ARHGAP23: variants seen among roughly 807,000 people sequenced by gnomAD.
The protein encoded by ARHGAP23 is Rho GTPase activating protein 23, also known as rho GTPase-activating protein 23.
A neutral mutation model predicts 136.3 loss-of-function variants in ARHGAP23; 34 were observed. The ratio of observed to expected loss-of-function variants is 0.25; its 90% CI spans 0.19 to 0.33. ARHGAP23 has a LOEUF of 0.33. Ranked by LOEUF, ARHGAP23 falls within the 10% of genes least tolerant of loss-of-function variation. ARHGAP23 has a pLI of 1.00. For missense variants in ARHGAP23, 1,808 were observed against 2,139.0 expected (o/e 0.85, Z 3.05); for synonymous variants, 832 against 920.5 (o/e 0.90, Z 1.74).
At position 38,510,230 on chromosome 17, in the gene ARHGAP23, C is replaced by T; in HGVS notation, c.3734C>T (p.Ser1245Phe). 5.1e-6 allele frequency: 7 copies of T among 1,382,348 alleles called. No homozygotes were observed. The highest frequency in any genetic ancestry group is 5.6e-6 in the Non-Finnish European group (6 of 1,067,378). 85.6% of individuals were successfully genotyped at this position (1,382,348 alleles called of 1,614,324 possible). The change falls in exon 24 of 24, where the codon TCC (serine) becomes TTC (phenylalanine). Residue 1245 changes from serine to phenylalanine, a missense_variant. By Grantham distance (155) the Ser-to-Phe change is radical. Transcript: ENST00000622683. The surrounding 1 kb of genome is among the most constrained non-coding windows in gnomAD (Gnocchi z 4.6). ...GAGCGGCCGGCCGCGGACACGCGCT[C>T]CATTGTGTCGGGCTACTCCACCCTG... is the stretch of plus-strand genomic sequence containing the variant. ...PEERPAADTR[S>F]IVSGYSTLST... is the part of the protein sequence containing the mutation.
chr17:38,509,609 G>A lies in ARHGAP23; in HGVS notation c.3448-335G>A, dbSNP rs184551174. Among the ~76,000 whole-genome samples, 51 of 152,302 alleles carry A rather than the reference G, an allele frequency of 3.3e-4. No individual in the cohort carries two copies. The East Asian group carries it at 7.5e-3, about 22-fold the overall frequency. ...GTGAAACGGATTCAGGCTGCCAAGC[G>A]TTATTCACTGTGGAGAGATTGTCAT... is the stretch of plus-strand genomic sequence containing the variant. On this transcript the variant is annotated intron_variant, in intron 23 of 23. Coordinates refer to ENST00000622683, the MANE Select transcript of ARHGAP23 (RefSeq NM_001199417.2).
At chr17:38,457,541 T>C (rs2039356217) in intron 1 of ARHGAP23, 1 of 163,008 alleles carries the variant, frequency 6.1e-6, no homozygotes, top group African/African-American at 2.4e-5. Flanking sequence ...TACAAAAGTG[T>C]GCACATGTGT....
intron 1 of ARHGAP23, chr17:38,457,754 GGAA>G: frequency 2.7e-6 from 1 of 372,144 alleles, no homozygotes; most frequent in Non-Finnish European, 4.9e-6. Flanking sequence ...TTCCTGGGCA[GGAA>G]GGCTGTATCC....
In ARHGAP23 at chr17:38,504,978, C is replaced by CT. The variant is rs71138627; in HGVS notation, c.3447+4395dup. 3.0e-4 allele frequency among the ~76,000 whole-genome samples: 13 copies of CT among 43,162 alleles called. 4 individuals carry two copies. The highest frequency in any genetic ancestry group is 5.9e-4 in the Non-Finnish European group (12 of 20,286). The allele number at this position is 43,162 out of a possible 152,430, so 28.3% of individuals were successfully genotyped here. A position where few individuals can be genotyped will look rare whatever the true frequency, so the allele number is the denominator to read the frequency against. Reference sequence around the variant, plus strand: ...ATTACTCAGAAGCCTCCCTTATCATCTTTTTTTTTTTTTTTTTTTTTTTTT... The same window carrying CT: ...ATTACTCAGAAGCCTCCCTTATCATCTTTTTTTTTTTTTTTTTTTTTTTTTT... On this transcript the variant is annotated intron_variant, in intron 23 of 23. Transcript: ENST00000622683.
chr17:38,469,661 G>C (rs2039698588), intron 9 of ARHGAP23, 26 bp downstream of exon 9: 6 of 1,545,284 alleles, frequency 3.9e-6, no homozygotes, highest in Non-Finnish European at 5.2e-6. Flanking sequence ...GACACGGGGT[G>C]GGGTGGCCAC....
At chr17:38,508,211 A>G (rs531710006) in intron 23 of ARHGAP23, among the ~76,000 whole-genome samples, 30 of 152,336 alleles carry the variant, frequency 2.0e-4, no homozygotes, top group Admixed American at 1.8e-3. Context: ...CTCCCATCTC[A>G]GGCAAAGGGA....
intron 17 of ARHGAP23, 24 bp downstream of exon 17, chr17:38,486,164 CGGGGA>C: frequency 6.5e-7 from 1 of 1,543,226 alleles, no homozygotes; most frequent in Non-Finnish European, 8.8e-7. Flanking sequence ...GGAAGTGGGG[CGGGGA>C]GGGGACACCA....
At chr17:38,458,074 C>T in intron 1 of ARHGAP23, 28 bp from the exon 2 acceptor site, 2 of 1,535,442 alleles carry the variant, frequency 1.3e-6, no homozygotes, top group Non-Finnish European at 1.7e-6. Context: ...CACACGGGCG[C>T]TCAGCCTGGC....
intron 23 of ARHGAP23, among the ~76,000 whole-genome samples, chr17:38,506,702 T>C (rs1275065436): frequency 2.0e-5 from 3 of 152,106 alleles, no homozygotes; most frequent in Non-Finnish European, 2.9e-5. Flanking sequence ...ACCGCACTAA[T>C]CCCATCAAAA....
chr17:38,443,358 T>C (rs2038960886), intron 1 of ARHGAP23, among the ~76,000 whole-genome samples: 1 of 152,174 alleles, frequency 6.6e-6, no homozygotes, highest in Admixed American at 6.5e-5. Context: ...GCCTGGGGCA[T>C]AGTAAGCACT....
At chr17:38,476,130 TG>T (rs1029976607) in intron 11 of ARHGAP23, among the ~76,000 whole-genome samples, 2 of 152,248 alleles carry the variant, frequency 1.3e-5, no homozygotes, top group Admixed American at 1.3e-4. Context: ...CTGAGGGCGA[TG>T]GGATCCCTTG....
In ARHGAP23 at chr17:38,466,633, AGGAC is replaced by A; in HGVS notation, c.951_954del (p.Gln317HisfsTer21). 6.6e-7 allele frequency: 1 copy of A among 1,521,374 alleles called. No individual in the cohort carries two copies. Among genetic ancestry groups the A allele is most frequent in the Non-Finnish European group, 8.8e-7 (1 of 1,138,900 alleles). 94.2% of individuals were successfully genotyped at this position (1,521,374 alleles called of 1,614,324 possible). A position where few individuals can be genotyped will look rare whatever the true frequency, so the allele number is the denominator to read the frequency against. On this transcript the variant is annotated frameshift_variant, in exon 7 of 24. Coordinates refer to ENST00000622683, the MANE Select transcript of ARHGAP23 (RefSeq NM_001199417.2). LOFTEE classifies it high-confidence loss of function. ...GCCCCCCGGGCCCGCAGCGCCTCCCAGGACCGGTTGGAGGAGGTGGCTGCCCCCC... is the reference window on the plus strand; with the variant it reads ...GCCCCCCGGGCCCGCAGCGCCTCCCACGGTTGGAGGAGGTGGCTGCCCCCC...
At chr17:38,431,531 C>T (rs1038756543) in intron 1 of ARHGAP23, among the ~76,000 whole-genome samples, 1 of 152,180 alleles carries the variant, frequency 6.6e-6, no homozygotes, top group African/African-American at 2.4e-5. Context: ...CCTTCAGATC[C>T]AGGCCCCCCT....
intron 1 of ARHGAP23, among the ~76,000 whole-genome samples, chr17:38,447,696 G>A (rs2144554449): frequency 1.3e-5 from 2 of 152,306 alleles, no homozygotes; most frequent in South Asian, 4.1e-4. Flanking sequence ...CAGTCTGATG[G>A]AGGAGGCATA....
chr17:38,449,993 T>C (rs1163435781), intron 1 of ARHGAP23, among the ~76,000 whole-genome samples: 5 of 152,200 alleles, frequency 3.3e-5, no homozygotes, highest in Admixed American at 2.0e-4. Context: ...GCCTACTTGC[T>C]TCTACTCCTC....
intron 2 of ARHGAP23, among the ~76,000 whole-genome samples, chr17:38,458,515 G>C (rs1333087225): frequency 6.6e-6 from 1 of 152,222 alleles, no homozygotes; most frequent in Non-Finnish European, 1.5e-5. Flanking sequence ...CTTCTCAGGA[G>C]ACAGGGAGGG....
chr17:38,447,437 GAAAAAAAAAAAAAAAA>G (rs71138625), intron 1 of ARHGAP23, among the ~76,000 whole-genome samples: 2 of 25,636 alleles, frequency 7.8e-5, no homozygotes, highest in African/African-American at 3.0e-4. Context: ...GACTCCGTCT[GAAAAAAAAAAAAAAAA>G]AAAAAAAAAA....
In ARHGAP23 at chr17:38,512,099, T is replaced by A. The variant is rs934337274; in HGVS notation, c.*1127T>A. On this transcript the variant is annotated 3_prime_UTR_variant, in exon 24 of 24. Coordinates refer to ENST00000622683, the MANE Select transcript of ARHGAP23 (RefSeq NM_001199417.2). The stretch of plus-strand genomic sequence containing the variant: ...CAGTCCTCTTGTTTTATGCAAAGAT[T>A]TACTGTAAAGTAGATTTCTTTCCCT... 2 of 152,228 alleles carry A rather than the reference T, an allele frequency of 1.3e-5. No homozygotes were observed. Among genetic ancestry groups the A allele is most frequent in the African/African-American group, 4.8e-5 (2 of 41,462 alleles). 9.4% of individuals were successfully genotyped at this position (152,228 alleles called of 1,614,324 possible). A position where few individuals can be genotyped will look rare whatever the true frequency, so the allele number is the denominator to read the frequency against.
At chr17:38,454,663 G>A (rs116141185) in intron 1 of ARHGAP23, among the ~76,000 whole-genome samples, 1,828 of 152,318 alleles carry the variant, frequency 0.012, 22 homozygotes, top group African/African-American at 0.04. Context: ...GACAGGGCTG[G>A]GCTGGGGGAC....
Sources: allele counts gnomAD v4.1 joint callset (sites outside exome capture counted in the v4.1 genomes callset), GRCh38; gene constraint gnomAD v4.1.1; non-coding constraint Gnocchi (gnomAD v3.1); transcripts MANE v1.5; gene names NCBI Gene and HGNC (gene_info 2026-07-23, HGNC 2026-07-21).